The following COBL variants were observed in gnomAD, a reference collection of about 807,000 sequenced individuals.
The protein encoded by COBL is cordon-bleu WH2 repeat protein.
COBL carries 51 observed loss-of-function variants against 98.8 expected under a neutral mutation model. That is an observed-to-expected ratio of 0.52 (90% CI 0.41 to 0.65). The LOEUF is 0.65. Ranked by LOEUF, COBL falls within the 30% of genes least tolerant of loss-of-function variation. COBL has a pLI of 0.00. For synonymous variants in COBL, 634 were observed against 651.7 expected, an observed-to-expected ratio of 0.97 and a Z score of 0.41; for missense variants, 1,617 against 1,617.5, an observed-to-expected ratio of 1.00 and a Z score of 0.01.
At chr7:51,188,734 C>A (rs1409126623) in intron 4 of COBL, among the ~76,000 whole-genome samples, 1 of 152,190 alleles carries the variant, frequency 6.6e-6, no homozygotes, top group African/African-American at 2.4e-5. Context: ...TGCTCTGTCC[C>A]ATATGAGGAT....
intron 7 of COBL, among the ~76,000 whole-genome samples, chr7:51,068,714 GT>G (rs1373919840): frequency 6.6e-6 from 1 of 152,092 alleles, no homozygotes; most frequent in Non-Finnish European, 1.5e-5. Context: ...TACATATGCA[GT>G]TTTTTGTGTG....
chr7:51,238,275 A>AG (rs1312913316), intron 1 of COBL, among the ~76,000 whole-genome samples: 1 of 152,222 alleles, frequency 6.6e-6, no homozygotes, highest in Admixed American at 6.5e-5. Flanking sequence ...AGAGAACAAC[A>AG]GAAGTGCTGT....
chr7:51,267,970 C>T (rs1343911526), intron 1 of COBL, among the ~76,000 whole-genome samples: 1 of 152,214 alleles, frequency 6.6e-6, no homozygotes, highest in East Asian at 1.9e-4. Context: ...ACCCGGGGGC[C>T]TGTACCTCCA....
chr7:51,065,431 G>GCCC (rs1403986198), intron 7 of COBL: 2 of 701,590 alleles, frequency 2.9e-6, no homozygotes, highest in African/African-American at 3.5e-5. Context: ...TCTTATCACA[G>GCCC]CTTCAGCTGC....
chr7:51,066,420 A>G (rs1791931769), intron 7 of COBL, among the ~76,000 whole-genome samples: 1 of 152,214 alleles, frequency 6.6e-6, no homozygotes, highest in Non-Finnish European at 1.5e-5. Context: ...CCCTCCCTAC[A>G]GACTAACAGG....
chr7:51,139,446 C>CTG (rs1799536885), intron 5 of COBL, among the ~76,000 whole-genome samples: 1 of 152,186 alleles, frequency 6.6e-6, no homozygotes, highest in South Asian at 2.1e-4. Flanking sequence ...AGGCCTTCAT[C>CTG]TGTGACTCTG....
At chr7:51,258,232 A>T (rs1797377933) in intron 1 of COBL, among the ~76,000 whole-genome samples, 2 of 152,200 alleles carry the variant, frequency 1.3e-5, no homozygotes, top group Admixed American at 1.3e-4. Flanking sequence ...TGAAGAGACA[A>T]GTGAACATTT....
intron 1 of COBL, among the ~76,000 whole-genome samples, chr7:51,261,128 A>G (rs897308738): frequency 3.3e-5 from 5 of 152,176 alleles, no homozygotes; most frequent in African/African-American, 1.2e-4. Context: ...ATGCTGCCGT[A>G]CACAGTAGAT....
intron 2 of COBL, among the ~76,000 whole-genome samples, chr7:51,217,340 C>CTTTTTTTTTT (rs937958755): frequency 1.1e-4 from 14 of 127,726 alleles, no homozygotes; most frequent in South Asian, 2.5e-4. Flanking sequence ...TTTTCTTTTT[C>CTTTTTTTTTT]TTTTTTTTTT....
chr7:51,289,678 C>A (rs576531194), intron 1 of COBL, among the ~76,000 whole-genome samples: 1 of 152,378 alleles, frequency 6.6e-6, no homozygotes, highest in South Asian at 2.1e-4. Context: ...TATGTGAACA[C>A]TCCCAGCAAG....
intron 7 of COBL, among the ~76,000 whole-genome samples, chr7:51,066,652 G>T (rs1412467619): frequency 6.6e-6 from 1 of 152,140 alleles, no homozygotes; most frequent in Non-Finnish European, 1.5e-5. Flanking sequence ...AAGTGCATGG[G>T]AAGGGGGTGC....
intron 2 of COBL, among the ~76,000 whole-genome samples, chr7:51,202,818 A>T (rs1440831150): frequency 6.6e-6 from 1 of 152,234 alleles, no homozygotes; most frequent in Non-Finnish European, 1.5e-5. Flanking sequence ...AGGCAGGTGG[A>T]TCACTTGAGG....
At chr7:51,179,311 G>A (rs918287828) in intron 5 of COBL, among the ~76,000 whole-genome samples, 5 of 151,870 alleles carry the variant, frequency 3.3e-5, no homozygotes, top group African/African-American at 1.2e-4. Flanking sequence ...ATCTTGGCTC[G>A]CTGCAACCTT....
intron 1 of COBL, among the ~76,000 whole-genome samples, chr7:51,288,755 A>C (rs1800613686): frequency 6.6e-6 from 1 of 150,444 alleles, no homozygotes; most frequent in African/African-American, 2.5e-5. Flanking sequence ...ACTCAGTCTC[A>C]AAAAATAAAA....
intron 2 of COBL, among the ~76,000 whole-genome samples, chr7:51,203,870 A>C (rs765238334): frequency 6.6e-6 from 1 of 152,180 alleles, no homozygotes; most frequent in Non-Finnish European, 1.5e-5. Flanking sequence ...TTTCCAAACA[A>C]ATTTTATGAG....
intron 6 of COBL, among the ~76,000 whole-genome samples, chr7:51,135,723 G>A (rs898672656): frequency 6.6e-6 from 1 of 152,198 alleles, no homozygotes; most frequent in African/African-American, 2.4e-5. Flanking sequence ...TGCGGCAAGA[G>A]TTAGGAAATA....
chr7:51,100,923 AC>A (rs1209564264), intron 6 of COBL, among the ~76,000 whole-genome samples: 3 of 147,598 alleles, frequency 2.0e-5, no homozygotes, highest in Non-Finnish European at 4.5e-5. Context: ...CAAAAAAAAA[AC>A]AACAACAAAA....
intron 1 of COBL, among the ~76,000 whole-genome samples, chr7:51,229,277 G>A (rs977642455): frequency 3.3e-5 from 5 of 152,216 alleles, no homozygotes; most frequent in East Asian, 1.9e-4. Flanking sequence ...GAGCAAGCCC[G>A]CGGTGCCGGC....
chr7:51,241,972 G>A (rs547483467), intron 1 of COBL, among the ~76,000 whole-genome samples: 57 of 152,138 alleles, frequency 3.7e-4, no homozygotes, highest in Admixed American at 3.4e-3. Flanking sequence ...GCACTCCCAA[G>A]TAACAAAAAG....
Sources: allele counts gnomAD v4.1 joint callset (sites outside exome capture counted in the v4.1 genomes callset), GRCh38; gene constraint gnomAD v4.1.1; transcripts MANE v1.5; gene names NCBI Gene and HGNC (gene_info 2026-07-23, HGNC 2026-07-21).